The following KCNK2 variants were observed in gnomAD, a reference collection of about 807,000 sequenced individuals.
KCNK2 encodes the protein potassium two pore domain channel subfamily K member 2.
In KCNK2, 21 loss-of-function variants were observed where a neutral mutation model predicts 40.5. That is an observed-to-expected ratio of 0.52 (90% CI 0.37 to 0.75). The LOEUF is 0.75. Ranked by LOEUF, KCNK2 falls within the 30% of genes least tolerant of loss-of-function variation. The pLI is 0.00. For missense variants in KCNK2, 399 were observed against 531.6 expected (o/e 0.75, Z 2.45); for synonymous variants, 191 against 202.2 (o/e 0.94, Z 0.47).
At chr1:215,012,258 T>C (rs918034453) in intron 1 of KCNK2, among the ~76,000 whole-genome samples, 1 of 152,190 alleles carries the variant, frequency 6.6e-6, no homozygotes, top group South Asian at 2.1e-4. Context: ...CCATTTTGCA[T>C]GTCCACCAGC....
intron 6 of KCNK2, among the ~76,000 whole-genome samples, chr1:215,232,570 G>A (rs1571759948): frequency 6.6e-6 from 1 of 152,142 alleles, no homozygotes; most frequent in Non-Finnish European, 1.5e-5. Context: ...TGCCACATAC[G>A]AGGTTCTAGG....
At chr1:215,051,502 A>G (rs1657989968) in intron 1 of KCNK2, among the ~76,000 whole-genome samples, 1 of 152,162 alleles carries the variant, frequency 6.6e-6, no homozygotes, top group Non-Finnish European at 1.5e-5. Context: ...TAGCCATTAG[A>G]GCCAGGGCAG....
At chr1:215,102,161 A>G (rs1413374825) in intron 2 of KCNK2, among the ~76,000 whole-genome samples, 1 of 151,930 alleles carries the variant, frequency 6.6e-6, no homozygotes, top group African/African-American at 2.4e-5. Context: ...AGGAGGTATT[A>G]CAGAAGAAGG....
In KCNK2 at chr1:215,236,070, A is replaced by ATCTATCTATCTATCTT; in HGVS notation, c.*940_*941insTTCTATCTATCTATCT. The ATCTATCTATCTATCTT allele has an allele frequency of 6.6e-6, 1 of 150,636 alleles. No homozygotes were observed. Among genetic ancestry groups the ATCTATCTATCTATCTT allele is most frequent in the South Asian group, 2.1e-4 (1 of 4,820 alleles). 9.3% of individuals were successfully genotyped at this position (150,636 alleles called of 1,614,324 possible). A position where few individuals can be genotyped will look rare whatever the true frequency, so the allele number is the denominator to read the frequency against. The stretch of plus-strand genomic sequence containing the variant: ...AATCTATCTATCTATCTATCTATCT[A>ATCTATCTATCTATCTT]TCTATCTATCTATCTATCTATCTAT... On this transcript the variant is annotated 3_prime_UTR_variant, in exon 7 of 7. Transcript: ENST00000444842.
chr1:215,207,145 T>C (rs545546146), intron 6 of KCNK2, among the ~76,000 whole-genome samples: 2 of 151,826 alleles, frequency 1.3e-5, no homozygotes, highest in East Asian at 3.9e-4. Context: ...AAATCAGGGG[T>C]CCCCAACCCC....
At chr1:215,174,450 G>A (rs544014351) in intron 5 of KCNK2, among the ~76,000 whole-genome samples, 1,944 of 152,236 alleles carry the variant, frequency 0.013, 35 homozygotes, top group African/African-American at 0.042. Flanking sequence ...ACTTGGCAAT[G>A]CGGGCTCTTT....
intron 3 of KCNK2, among the ~76,000 whole-genome samples, chr1:215,130,555 C>G (rs1050843201): frequency 6.6e-6 from 1 of 152,138 alleles, no homozygotes; most frequent in Admixed American, 6.5e-5. Context: ...CTACTGGTGT[C>G]TGACTTGGAA....
At chr1:215,170,311 T>C (rs1338027022) in intron 4 of KCNK2, among the ~76,000 whole-genome samples, 7 of 152,162 alleles carry the variant, frequency 4.6e-5, no homozygotes, top group Non-Finnish European at 1.0e-4. Flanking sequence ...TCAAGTTGTA[T>C]TATAGTCAAC....
At chr1:215,005,919 C>A in exon 1 of KCNK2, 1 of 1,613,052 alleles carries the variant, frequency 6.2e-7, no homozygotes. Context: ...AAAACATCAC[C>A]AAATGATGAA....
intron 2 of KCNK2, among the ~76,000 whole-genome samples, chr1:215,101,980 T>A (rs1349706407): frequency 1.3e-5 from 2 of 152,072 alleles, no homozygotes; most frequent in African/African-American, 4.8e-5. Context: ...TATTTATTTT[T>A]AAAATTTTTT....
intron 1 of KCNK2, among the ~76,000 whole-genome samples, chr1:215,059,486 A>G (rs1167033806): frequency 2.0e-5 from 3 of 152,180 alleles, no homozygotes; most frequent in Non-Finnish European, 4.4e-5. Context: ...AAATAGCATT[A>G]TATACTATAT....
intron 1 of KCNK2, among the ~76,000 whole-genome samples, chr1:215,077,702 C>T (rs1658995769): frequency 6.6e-6 from 1 of 152,042 alleles, no homozygotes; most frequent in African/African-American, 2.4e-5. Context: ...TCCAAATTCT[C>T]CCAGCTTCTT....
intron 1 of KCNK2, among the ~76,000 whole-genome samples, chr1:215,070,238 A>G (rs1571882805): frequency 1.7e-5 from 1 of 58,020 alleles, no homozygotes; most frequent in Non-Finnish European, 3.7e-5. Context: ...GTGAAACCCC[A>G]TCTCTGCTAA....
At chr1:215,127,689 A>G (rs940657226) in intron 3 of KCNK2, among the ~76,000 whole-genome samples, 3 of 152,208 alleles carry the variant, frequency 2.0e-5, no homozygotes, top group Admixed American at 6.5e-5. Flanking sequence ...CTGATTTTTC[A>G]TAGTAAAATG....
intron 3 of KCNK2, among the ~76,000 whole-genome samples, chr1:215,165,109 G>T (rs1185748952): frequency 6.6e-6 from 1 of 152,132 alleles, no homozygotes; most frequent in African/African-American, 2.4e-5. Flanking sequence ...TCTGGCTTTT[G>T]TCTGACTCTT....
chr1:215,228,551 A>G (rs570340624), intron 6 of KCNK2, among the ~76,000 whole-genome samples: 188 of 152,310 alleles, frequency 1.2e-3, no homozygotes, highest in South Asian at 6.2e-3. Context: ...CGTAAATTAC[A>G]TGACCTGTAG....
intron 6 of KCNK2, among the ~76,000 whole-genome samples, chr1:215,228,246 A>G (rs1666473570): frequency 6.6e-6 from 1 of 152,190 alleles, no homozygotes; most frequent in Non-Finnish European, 1.5e-5. Context: ...GATTGAGAAA[A>G]TTGACCCGAA....
At chr1:215,080,748 GC>G (rs979978528), upstream of KCNK2, among the ~76,000 whole-genome samples, 153 of 152,262 alleles carry the variant, frequency 1.0e-3, 1 homozygote, top group African/African-American at 3.6e-3. Flanking sequence ...CACCTGACTG[GC>G]CAGGATTCCA....
intron 2 of KCNK2, among the ~76,000 whole-genome samples, chr1:215,110,489 A>G (rs968510324): frequency 2.0e-5 from 3 of 151,986 alleles, no homozygotes; most frequent in Non-Finnish European, 4.4e-5. Context: ...TCATTATGCA[A>G]TCTTGACACC....
Sources: gnomAD v4.1 joint callset for allele counts (sites outside exome capture counted in the v4.1 genomes callset) on GRCh38, gnomAD v4.1.1 for gene constraint, MANE v1.5 for transcripts, NCBI Gene and HGNC (gene_info 2026-07-23, HGNC 2026-07-21) for gene names.